CLASP2: variants seen among roughly 807,000 people sequenced by gnomAD.
The protein encoded by CLASP2 is CLIP-associating protein 2.
Under a neutral mutation model 194.4 loss-of-function variants are expected in CLASP2, and 47 were observed. The ratio of observed to expected loss-of-function variants is 0.24; its 90% CI spans 0.19 to 0.31. The LOEUF (loss-of-function observed/expected upper bound fraction) is 0.31, where lower values mean the gene tolerates loss of function less well. CLASP2 is among the 10% of genes least tolerant of loss of function. The pLI, the probability that CLASP2 is intolerant of heterozygous loss-of-function variation, is 1.00. For synonymous variants in CLASP2, 619 were observed against 633.5 expected (o/e 0.98, Z 0.34); for missense variants, 1,445 against 1,823.6 (o/e 0.79, Z 3.78).
intron 29 of CLASP2, chr3:33,554,760 C>G (rs1396213423): frequency 6.5e-6 from 1 of 153,330 alleles, no homozygotes; most frequent in Non-Finnish European, 1.5e-5. Context: ...TTTGCTGTAT[C>G]TAAACCAGGA....
intron 38 of CLASP2, among the ~76,000 whole-genome samples, chr3:33,499,723 CAAT>C (rs1559738443): frequency 6.6e-6 from 1 of 152,090 alleles, no homozygotes; most frequent in Non-Finnish European, 1.5e-5. Flanking sequence ...ACCATTAAAG[CAAT>C]AATAACAAAC....
At chr3:33,550,222 T>C (rs1246028239) in intron 30 of CLASP2, among the ~76,000 whole-genome samples, 3 of 151,544 alleles carry the variant, frequency 2.0e-5, no homozygotes, top group South Asian at 2.1e-4. Flanking sequence ...TGGTCCAATA[T>C]GGAGAAACCC....
At chr3:33,539,273 G>T (rs1261020712) in intron 32 of CLASP2, among the ~76,000 whole-genome samples, 1 of 150,190 alleles carries the variant, frequency 6.7e-6, no homozygotes, top group Non-Finnish European at 1.5e-5. Flanking sequence ...TAAAAGATTG[G>T]AAAAAAACAA....
At chr3:33,666,117 G>C (rs1049511740) in intron 6 of CLASP2, among the ~76,000 whole-genome samples, 3 of 152,104 alleles carry the variant, frequency 2.0e-5, no homozygotes, top group Non-Finnish European at 4.4e-5. Context: ...TAAAAGTTTA[G>C]AATAAGAATA....
At position 33,627,840 on chromosome 3, in the gene CLASP2, C is replaced by T. The variant is rs2078321873; in HGVS notation, c.943-760G>A. 2.0e-5 allele frequency among the ~76,000 whole-genome samples: 3 copies of T among 152,220 alleles called. No individual in the cohort carries two copies. In the South Asian group the frequency reaches 6.2e-4, roughly 32 times the overall value. On this transcript the variant is annotated intron_variant, in intron 9 of 38. Coordinates refer to ENST00000682230, the MANE Select transcript of CLASP2 (RefSeq NM_001365631.1). ...GAGAGCTAAAGAATGTGTAGGATAT[C>T]ATTAGGCAAAGTGGACAGATTTGCT...
intron 10 of CLASP2, among the ~76,000 whole-genome samples, chr3:33,624,215 T>C (rs1363777615): frequency 6.6e-6 from 1 of 152,112 alleles, no homozygotes. Flanking sequence ...CACATTTAAC[T>C]CGAGGTTTTC....
chr3:33,501,625 T>C (rs374493271), intron 38 of CLASP2, 27 bp downstream of exon 38: 3 of 1,371,246 alleles, frequency 2.2e-6, no homozygotes, highest in African/African-American at 1.4e-5. Flanking sequence ...ATGGCCACCA[T>C]CTCTAAAACA....
chr3:33,598,209 A>G (rs2071012579), intron 18 of CLASP2, among the ~76,000 whole-genome samples: 1 of 151,250 alleles, frequency 6.6e-6, no homozygotes, highest in African/African-American at 2.4e-5. Context: ...AACAAATGTC[A>G]GCCATGAGTG....
rs184083333 is a variant in CLASP2 at position 33,666,301 on chromosome 3, G to A, written c.645-2786C>T. Among the ~76,000 whole-genome samples the A allele has an allele frequency of 3.6e-3, 547 of 152,208 alleles. 2 individuals are homozygous for A. The highest frequency in any genetic ancestry group is 0.01 in the Middle Eastern group (3 of 294). On this transcript the variant is annotated intron_variant, in intron 6 of 38. Coordinates refer to ENST00000682230, the MANE Select transcript of CLASP2 (RefSeq NM_001365631.1). ...TTGTGCAACCAAATAATCCATTTTA[G>A]AACATTTTCATCACCCCAAAAAATA...
At chr3:33,667,784 A>G (rs1361287568) in intron 6 of CLASP2, among the ~76,000 whole-genome samples, 1 of 152,202 alleles carries the variant, frequency 6.6e-6, no homozygotes, top group Non-Finnish European at 1.5e-5. Flanking sequence ...CACCTCTGAC[A>G]AAAATCAACA....
Position 33,538,796 on chromosome 3 carries a change from C to A in CLASP2, c.3551G>T (p.Gly1184Val). Residue 1184 changes from glycine to valine, a missense_variant, in exon 33 of 39, where the codon GGC becomes GTC. Gly to Val is a moderately radical substitution (Grantham distance 109, BLOSUM62 -3). Transcript: ENST00000682230. ...PLKRDSKKDD[G>V]DSMCGGPGMS... ...GGATATTAAAATACTTACTGAATCGCCATCATCTTTTTTAGAATCCCTTTT... is the reference window on the plus strand; with the variant it reads ...GGATATTAAAATACTTACTGAATCGACATCATCTTTTTTAGAATCCCTTTT... 6.3e-7 allele frequency: 1 copy of A among 1,579,368 alleles called. No homozygotes were observed. Among genetic ancestry groups the A allele is most frequent in the Admixed American group, 1.9e-5 (1 of 52,916 alleles).
At chr3:33,551,037 T>C (rs1013733257) in intron 30 of CLASP2, among the ~76,000 whole-genome samples, 2 of 152,178 alleles carry the variant, frequency 1.3e-5, no homozygotes, top group African/African-American at 2.4e-5. Flanking sequence ...AGAGGGAGGA[T>C]TGTGGTAAAG....
intron 34 of CLASP2, 141 bp from the exon 35 acceptor site, chr3:33,517,315 A>T: frequency 1.5e-6 from 1 of 650,808 alleles, no homozygotes; most frequent in Non-Finnish European, 2.4e-6. Context: ...ACATTAAGTA[A>T]TCTTCTTTTC....
intron 12 of CLASP2, among the ~76,000 whole-genome samples, chr3:33,616,981 T>G (rs2154273285): frequency 6.6e-6 from 1 of 151,446 alleles, no homozygotes; most frequent in East Asian, 1.9e-4. Flanking sequence ...TCGACCTGCC[T>G]CAGCCTCCCA....
At chr3:33,541,488 C>T (rs2058353466) in intron 32 of CLASP2, among the ~76,000 whole-genome samples, 1 of 152,150 alleles carries the variant, frequency 6.6e-6, no homozygotes, top group Admixed American at 6.5e-5. Flanking sequence ...CTCCTCCTAC[C>T]CTCTGCCCTC....
chr3:33,599,574 T>C (rs2071447543), intron 18 of CLASP2, among the ~76,000 whole-genome samples: 1 of 152,150 alleles, frequency 6.6e-6, no homozygotes, highest in African/African-American at 2.4e-5. Context: ...TGAGAGAGAT[T>C]CAGTATAGAA....
Position 33,602,175 on chromosome 3 carries a change from G to A in CLASP2, c.1924+777C>T, listed in dbSNP as rs187845366. 9.9e-5 allele frequency among the ~76,000 whole-genome samples: 15 copies of A among 152,094 alleles called. No individual in the cohort carries two copies. The South Asian group carries it at 1.7e-3, about 17-fold the overall frequency. Reference sequence around the variant, plus strand: ...ATTACAGGCATGAGCCACCATGCCCGGCTAAGTTTTGCATTTTTAGTAGAG... The same window carrying A: ...ATTACAGGCATGAGCCACCATGCCCAGCTAAGTTTTGCATTTTTAGTAGAG... On this transcript the variant is annotated intron_variant, in intron 18 of 38. Coordinates refer to ENST00000682230, the MANE Select transcript of CLASP2 (RefSeq NM_001365631.1).
intron 8 of CLASP2, among the ~76,000 whole-genome samples, chr3:33,634,175 A>G (rs1263058846): frequency 3.9e-5 from 6 of 152,268 alleles, no homozygotes; most frequent in Admixed American, 3.9e-4. Flanking sequence ...CAGGGAGAAT[A>G]TACTAATAAT....
At chr3:33,700,384 G>T (rs1279600409) in intron 1 of CLASP2, among the ~76,000 whole-genome samples, 1 of 151,998 alleles carries the variant, frequency 6.6e-6, no homozygotes, top group Admixed American at 6.6e-5. Context: ...CTGAGATTGT[G>T]TCACTGCACT....
Sources: allele counts gnomAD v4.1 joint callset (sites outside exome capture counted in the v4.1 genomes callset), GRCh38; gene constraint gnomAD v4.1.1; transcripts MANE v1.5; gene names NCBI Gene and HGNC (gene_info 2026-07-23, HGNC 2026-07-21).